ZNF536: variants seen among roughly 807,000 people sequenced by gnomAD.
The protein encoded by ZNF536 is zinc finger protein 536.
Under a neutral mutation model 84.5 loss-of-function variants are expected in ZNF536, and 13 were observed. The observed-to-expected ratio is 0.15, with a 90% confidence interval of 0.10 to 0.24. The LOEUF (loss-of-function observed/expected upper bound fraction) is 0.24. ZNF536 is among the 10% of genes least tolerant of loss of function. The pLI, the probability that ZNF536 is intolerant of heterozygous loss-of-function variation, is 1.00. For synonymous variants in ZNF536, 811 were observed against 742.5 expected (o/e 1.09, Z -1.50); for missense variants, 1,536 against 1,747.5 (o/e 0.88, Z 2.16).
At chr19:30,705,369 G>T (rs560402842) in intron 1 of ZNF536, among the ~76,000 whole-genome samples, 2 of 151,584 alleles carry the variant, frequency 1.3e-5, no homozygotes, top group African/African-American at 2.4e-5. Context: ...AGAATAAAAC[G>T]CATTGTAAAT....
chr19:30,255,131 T>C (rs888332239), intron 1 of ZNF536, among the ~76,000 whole-genome samples: 2 of 152,220 alleles, frequency 1.3e-5, no homozygotes, highest in Non-Finnish European at 2.9e-5. Flanking sequence ...TTACTCAAGA[T>C]AGGGGCAATG....
chr19:30,613,902 G>T (rs1278547840), intron 1 of ZNF536, among the ~76,000 whole-genome samples: 1 of 152,120 alleles, frequency 6.6e-6, no homozygotes, highest in Non-Finnish European at 1.5e-5. Context: ...TCACTCTGTT[G>T]TCCGGGCTGG....
At chr19:30,451,003 C>A (rs1021009544) in intron 2 of ZNF536, among the ~76,000 whole-genome samples, 5 of 152,268 alleles carry the variant, frequency 3.3e-5, no homozygotes, top group Admixed American at 3.3e-4. Context: ...AGGCGGCCGC[C>A]GTGTTTGCGG....
In ZNF536 at chr19:30,610,290, A is replaced by T. The variant is rs572579486; in HGVS notation, c.169+60776A>T. On this transcript the variant is annotated intron_variant, in intron 1 of 1. Coordinates refer to the ZNF536 transcript ENST00000592773. ...GCCTTTTGTGTGGTGTTGGGACAGG[A>T]TAGGGTGTGACGGCAACCATATTTC... Among the ~76,000 whole-genome samples, 24 of 152,284 alleles carry T rather than the reference A, an allele frequency of 1.6e-4. No homozygotes were observed. The South Asian group carries it at 5.0e-3, about 32-fold the overall frequency.
At chr19:30,490,907 G>T (rs1186642383) in intron 2 of ZNF536, among the ~76,000 whole-genome samples, 1 of 152,200 alleles carries the variant, frequency 6.6e-6, no homozygotes, top group Non-Finnish European at 1.5e-5. Context: ...CTAATGGCTG[G>T]CTGCTTGTTG....
chr19:30,304,025 CCT>C (rs2046270879), intron 2 of ZNF536, among the ~76,000 whole-genome samples: 1 of 152,262 alleles, frequency 6.6e-6, no homozygotes, highest in South Asian at 2.1e-4. Context: ...GCAGCGGTCT[CCT>C]CTCTCCCTGG....
intron 1 of ZNF536, among the ~76,000 whole-genome samples, chr19:30,416,058 T>C (rs920409643): frequency 6.6e-6 from 1 of 152,246 alleles, no homozygotes; most frequent in East Asian, 1.9e-4. Context: ...TTTCACATGA[T>C]CTTTCATGTC....
intron 1 of ZNF536, among the ~76,000 whole-genome samples, chr19:30,437,417 G>A (rs1440096889): frequency 6.6e-6 from 1 of 152,202 alleles, no homozygotes; most frequent in Non-Finnish European, 1.5e-5. Context: ...TACCTGCAAT[G>A]ATGGCAGTGA....
chr19:30,466,584 A>AGAGAGAGAGAGAG (rs1555775077), intron 2 of ZNF536, among the ~76,000 whole-genome samples: 5 of 144,464 alleles, frequency 3.5e-5, no homozygotes, highest in Admixed American at 2.8e-4. Flanking sequence ...GAAAGAAAGA[A>AGAGAGAGAGAGAG]AGAGAGAGAG....
intron 1 of ZNF536, among the ~76,000 whole-genome samples, chr19:30,383,629 T>C (rs537919138): frequency 3.4e-5 from 5 of 145,210 alleles, no homozygotes; most frequent in Admixed American, 2.8e-4. Flanking sequence ...TCTCTTTCTT[T>C]CTTCCTTTCT....
intron 2 of ZNF536, among the ~76,000 whole-genome samples, chr19:30,314,458 C>A (rs1186829674): frequency 3.3e-5 from 5 of 152,088 alleles, no homozygotes; most frequent in Admixed American, 6.5e-5. Context: ...TCTCGAGGGT[C>A]CACTTATCAG....
At chr19:30,600,930 T>C (rs564042121) in intron 1 of ZNF536, among the ~76,000 whole-genome samples, 1 of 152,352 alleles carries the variant, frequency 6.6e-6, no homozygotes, top group Admixed American at 6.5e-5. Context: ...GCTTGTTTTA[T>C]TCGTTGTTTT....
chr19:30,458,185 T>C lies in ZNF536; in HGVS notation c.2170+12453T>C, dbSNP rs765876934. Among the ~76,000 whole-genome samples the C allele has an allele frequency of 3.3e-5, 5 of 152,204 alleles. No individual in the cohort carries two copies. In the East Asian group the frequency reaches 9.6e-4, roughly 29 times the overall value. ...CATGCGTTTAGTCATCCTGCTGGAC[T>C]ATTTGGGCAGCTCGCTTTCCTTCTC... On this transcript the variant is annotated intron_variant, in intron 2 of 4. Transcript: ENST00000355537.
intron 2 of ZNF536, among the ~76,000 whole-genome samples, chr19:30,464,361 T>C (rs1041111319): frequency 6.6e-6 from 1 of 152,186 alleles, no homozygotes; most frequent in Non-Finnish European, 1.5e-5. Flanking sequence ...CAGACGGCGC[T>C]GGGCCCTCGA....
intron 1 of ZNF536, among the ~76,000 whole-genome samples, chr19:30,281,598 G>C (rs2045446869): frequency 6.6e-6 from 1 of 152,214 alleles, no homozygotes; most frequent in South Asian, 2.1e-4. Context: ...GAGTCTCCAA[G>C]CCACTGAGTG....
chr19:30,624,114 G>A (rs896526977), intron 1 of ZNF536, among the ~76,000 whole-genome samples: 1 of 152,098 alleles, frequency 6.6e-6, no homozygotes, highest in Non-Finnish European at 1.5e-5. Context: ...CTGGGGTGTG[G>A]GTATGCCTTG....
chr19:30,504,742 C>T, intron 2 of ZNF536, among the ~76,000 whole-genome samples: 2 of 151,678 alleles, frequency 1.3e-5, no homozygotes, highest in Non-Finnish European at 2.9e-5. Context: ...GTTCTGGGCT[C>T]CTCGGATTCA....
intron 1 of ZNF536, among the ~76,000 whole-genome samples, chr19:30,407,977 G>A (rs771578476): frequency 3.9e-5 from 6 of 152,180 alleles, no homozygotes; most frequent in African/African-American, 7.2e-5. Context: ...TGGCCGTCAT[G>A]AAATCAGTTG....
At chr19:30,651,719 T>C (rs1185867648) in intron 1 of ZNF536, among the ~76,000 whole-genome samples, 1 of 152,194 alleles carries the variant, frequency 6.6e-6, no homozygotes, top group African/African-American at 2.4e-5. Flanking sequence ...TTGTTGGGTA[T>C]CGTATGAGCC....
Sources: gnomAD v4.1 joint callset for allele counts (sites outside exome capture counted in the v4.1 genomes callset) on GRCh38, gnomAD v4.1.1 for gene constraint, MANE v1.5 for transcripts, NCBI Gene and HGNC (gene_info 2026-07-23, HGNC 2026-07-21) for gene names.